The following TMEM182 variants were observed in gnomAD, a reference collection of about 807,000 sequenced individuals.
TMEM182 encodes transmembrane protein 182.
A neutral mutation model predicts 26.8 loss-of-function variants in TMEM182; 20 were observed. That is an observed-to-expected ratio of 0.75 (90% CI 0.53 to 1.09). TMEM182 has a LOEUF of 1.09. Among genes scored for constraint, TMEM182 ranks in the 50% least tolerant of loss-of-function variants. The pLI, the probability that TMEM182 is intolerant of heterozygous loss-of-function variation, is 0.00. For synonymous variants in TMEM182, 109 were observed against 102.2 expected, an observed-to-expected ratio of 1.07 and a Z score of -0.40; for missense variants, 277 against 275.5, an observed-to-expected ratio of 1.01 and a Z score of -0.04.
At chr2:102,737,958 A>C (rs538198915) in intron 1 of TMEM182, among the ~76,000 whole-genome samples, 36 of 152,344 alleles carry the variant, frequency 2.4e-4, no homozygotes, top group African/African-American at 8.7e-4. Flanking sequence ...AAAGTTTCTC[A>C]TGGGAGGTGG....
In TMEM182 at chr2:102,816,343, T is replaced by C. The variant is rs560772216; in HGVS notation, c.*1375T>C. 1 of 985,136 alleles carries C rather than the reference T, an allele frequency of 1.0e-6. No individual in the cohort carries two copies. The highest frequency in any genetic ancestry group is 1.1e-4 in the East Asian group (1 of 8,790). 61.0% of individuals were successfully genotyped at this position (985,136 alleles called of 1,614,324 possible). A position where few individuals can be genotyped will look rare whatever the true frequency, so the allele number is the denominator to read the frequency against. ...TCACCACCCAGAAGATGCTCTGGGA[T>C]AGAGGAACTGCTCCTTTTCATCAGC... is the stretch of plus-strand genomic sequence containing the variant. On this transcript the variant is annotated 3_prime_UTR_variant, in exon 5 of 5. Coordinates refer to ENST00000412401, the MANE Select transcript of TMEM182 (RefSeq NM_144632.5).
At chr2:102,785,551 C>G (rs1415384704) in intron 3 of TMEM182, among the ~76,000 whole-genome samples, 1 of 152,182 alleles carries the variant, frequency 6.6e-6, no homozygotes, top group East Asian at 1.9e-4. Context: ...TCAATCGGTG[C>G]TCAAACATGT....
chr2:102,786,080 G>A (rs1681376329), intron 3 of TMEM182, among the ~76,000 whole-genome samples: 2 of 149,592 alleles, frequency 1.3e-5, no homozygotes, highest in African/African-American at 2.5e-5. Flanking sequence ...AGTGAATGAG[G>A]AAATTTGTCT....
intron 3 of TMEM182, among the ~76,000 whole-genome samples, chr2:102,834,994 T>C (rs1240898879): frequency 1.3e-5 from 2 of 152,120 alleles, no homozygotes; most frequent in Admixed American, 1.3e-4. Flanking sequence ...TTTCCTCCTT[T>C]GGAAATTAAG....
chr2:102,791,188 G>A (rs746307762), intron 3 of TMEM182, among the ~76,000 whole-genome samples: 21 of 152,036 alleles, frequency 1.4e-4, no homozygotes, highest in African/African-American at 2.2e-4. Context: ...TGCCTGCCTC[G>A]GCCTCCCAAA....
intron 3 of TMEM182, among the ~76,000 whole-genome samples, chr2:102,827,724 C>T (rs954433093): frequency 1.3e-5 from 2 of 152,208 alleles, no homozygotes; most frequent in African/African-American, 4.8e-5. Flanking sequence ...CATTACCCTA[C>T]ACCAGACTGG....
chr2:102,737,861 ACT>A (rs890818917), intron 1 of TMEM182, among the ~76,000 whole-genome samples: 2 of 152,112 alleles, frequency 1.3e-5, no homozygotes, highest in African/African-American at 4.8e-5. Flanking sequence ...GATCAAGAAG[ACT>A]CTGACATTTT....
chr2:102,739,089 C>T (rs144699076), intron 1 of TMEM182, among the ~76,000 whole-genome samples: 257 of 152,194 alleles, frequency 1.7e-3, no homozygotes, highest in Non-Finnish European at 3.0e-3. Flanking sequence ...CCAGGTATAG[C>T]CATAGAGGAT....
chr2:102,737,323 C>G (rs1252161531), intron 1 of TMEM182, among the ~76,000 whole-genome samples: 1 of 152,156 alleles, frequency 6.6e-6, no homozygotes, highest in African/African-American at 2.4e-5. Context: ...TTCTTAAGAT[C>G]CTTTCTGGTG....
chr2:102,782,715 G>A (rs926951318), intron 3 of TMEM182, among the ~76,000 whole-genome samples: 4 of 152,044 alleles, frequency 2.6e-5, no homozygotes, highest in African/African-American at 9.7e-5. Flanking sequence ...TTTATGATTC[G>A]TGTTCCTCAT....
intron 3 of TMEM182, among the ~76,000 whole-genome samples, chr2:102,833,297 G>A (rs1230018594): frequency 5.3e-5 from 8 of 152,106 alleles, no homozygotes; most frequent in Admixed American, 5.2e-4. Flanking sequence ...TGTTAATTTT[G>A]AGCCTTTGCC....
At position 102,749,999 on chromosome 2, in the gene TMEM182, A is replaced by C. The variant is rs140633592; in HGVS notation, c.-82-8390A>C. 4.9e-4 allele frequency among the ~76,000 whole-genome samples: 74 copies of C among 152,076 alleles called. No individual in the cohort carries two copies. The East Asian group carries it at 0.012, about 25-fold the overall frequency. On this transcript the variant is annotated intron_variant, in intron 1 of 5. Transcript: ENST00000409173. ...TTCTTTGCATATTTTTCAGTTTTCT[A>C]TCTGGCGATCATATTAATTAATTTA...
intron 3 of TMEM182, among the ~76,000 whole-genome samples, chr2:102,838,155 A>G (rs1683281894): frequency 6.6e-6 from 1 of 152,232 alleles, no homozygotes; most frequent in Non-Finnish European, 1.5e-5. Flanking sequence ...GCACGGAAGT[A>G]GGTTTTGTAA....
At chr2:102,830,759 C>G (rs1483406184) in intron 3 of TMEM182, among the ~76,000 whole-genome samples, 2 of 151,928 alleles carry the variant, frequency 1.3e-5, no homozygotes, top group African/African-American at 2.4e-5. Context: ...TTATAGTCAC[C>G]CTATTGTGCT....
At chr2:102,762,464 G>A (rs1203989533) in intron 1 of TMEM182, 115 bp downstream of exon 1, 2 of 1,530,602 alleles carry the variant, frequency 1.3e-6, no homozygotes, top group Non-Finnish European at 1.8e-6. Context: ...GAAGAGATAT[G>A]TAGAAAGCTA....
At chr2:102,837,134 T>C (rs1383277670) in intron 3 of TMEM182, among the ~76,000 whole-genome samples, 1 of 152,224 alleles carries the variant, frequency 6.6e-6, no homozygotes, top group Non-Finnish European at 1.5e-5. Context: ...CCTGTGGTGT[T>C]TCTAATTTCT....
intron 3 of TMEM182, among the ~76,000 whole-genome samples, chr2:102,782,485 A>G (rs1681213413): frequency 6.6e-6 from 1 of 152,114 alleles, no homozygotes; most frequent in African/African-American, 2.4e-5. Flanking sequence ...GAAAACATAT[A>G]TGGGGCTCAT....
intron 1 of TMEM182, among the ~76,000 whole-genome samples, chr2:102,756,806 A>C (rs1680051424): frequency 6.8e-6 from 1 of 146,990 alleles, no homozygotes; most frequent in South Asian, 2.2e-4. Context: ...ATTAAGCACA[A>C]TCCCATTCTT....
At chr2:102,801,800 T>C (rs763258439) in intron 4 of TMEM182, among the ~76,000 whole-genome samples, 46 of 152,244 alleles carry the variant, frequency 3.0e-4, no homozygotes, top group Non-Finnish European at 5.3e-4. Flanking sequence ...TACAAGGCTT[T>C]TCCTGGGTCT....
Sources: allele counts gnomAD v4.1 joint callset (sites outside exome capture counted in the v4.1 genomes callset), GRCh38; gene constraint gnomAD v4.1.1; transcripts MANE v1.5; gene names NCBI Gene and HGNC (gene_info 2026-07-23, HGNC 2026-07-21).